The following SGCZ variants were observed in gnomAD, a reference collection of about 807,000 sequenced individuals.
SGCZ encodes the protein sarcoglycan zeta.
Under a neutral mutation model 41.3 loss-of-function variants are expected in SGCZ, and 40 were observed. The ratio of observed to expected loss-of-function variants is 0.97; its 90% confidence interval spans 0.75 to 1.26. SGCZ has a LOEUF of 1.26. Ranked by LOEUF, SGCZ falls within the 50% of genes most tolerant of loss-of-function variation. The pLI, the probability that SGCZ is intolerant of heterozygous loss-of-function variation, is 0.00. For synonymous variants in SGCZ, 206 were observed against 137.5 expected (o/e 1.50, Z -3.49); for missense variants, 552 against 369.8 (o/e 1.49, Z -4.04).
At chr8:14,933,497 T>G (rs1441525258) in intron 1 of SGCZ, among the ~76,000 whole-genome samples, 3 of 143,532 alleles carry the variant, frequency 2.1e-5, no homozygotes, top group Non-Finnish European at 4.5e-5. Flanking sequence ...AGTCGCACCA[T>G]CTCTGCTCAC....
intron 2 of SGCZ, among the ~76,000 whole-genome samples, chr8:14,464,686 G>T (rs1469388967): frequency 1.3e-5 from 2 of 150,642 alleles, no homozygotes; most frequent in Non-Finnish European, 3.0e-5. Context: ...TATAAAGTTT[G>T]TTTATTGACT....
intron 1 of SGCZ, among the ~76,000 whole-genome samples, chr8:14,995,390 G>A (rs1802179606): frequency 6.6e-6 from 1 of 152,208 alleles, no homozygotes; most frequent in African/African-American, 2.4e-5. Flanking sequence ...TTAGGTCTTG[G>A]GAGACGATTA....
intron 1 of SGCZ, among the ~76,000 whole-genome samples, chr8:14,837,797 T>C (rs886500860): frequency 1.3e-5 from 2 of 152,218 alleles, no homozygotes; most frequent in East Asian, 1.9e-4. Context: ...TGAGTAATTA[T>C]AGACACATAA....
chr8:14,298,043 TG>T (rs1359971835), intron 3 of SGCZ, among the ~76,000 whole-genome samples: 2 of 152,114 alleles, frequency 1.3e-5, no homozygotes, highest in Non-Finnish European at 2.9e-5. Context: ...GAATGTAGGA[TG>T]ATTTAAATAT....
Position 14,197,485 on chromosome 8 carries a change from G to C in SGCZ, c.425-32783C>G, listed in dbSNP as rs181346466. Among the ~76,000 whole-genome samples the C allele has an allele frequency of 6.8e-4, 103 of 151,902 alleles. 1 individual carries two copies. The East Asian group carries it at 0.013, about 19-fold the overall frequency. On this transcript the variant is annotated intron_variant, in intron 4 of 7. Transcript: ENST00000382080. ...AATGTTGTTTATCACAAGAATGCAA[G>C]GCTGGTATGTTCAGCCTTTGAAAAA...
At chr8:14,672,082 G>C (rs1245729113) in intron 1 of SGCZ, among the ~76,000 whole-genome samples, 3 of 152,118 alleles carry the variant, frequency 2.0e-5, no homozygotes, top group Admixed American at 1.3e-4. Flanking sequence ...TTAGGAAATA[G>C]AGGAAGAGTA....
chr8:14,709,194 T>C (rs1311107993), intron 1 of SGCZ, among the ~76,000 whole-genome samples: 1 of 152,190 alleles, frequency 6.6e-6, no homozygotes, highest in Admixed American at 6.5e-5. Context: ...GTATTACCAA[T>C]CAGCAGCAGA....
chr8:14,702,846 TAGATAGATAGATA>T (rs1160592875), intron 1 of SGCZ, among the ~76,000 whole-genome samples: 4 of 133,788 alleles, frequency 3.0e-5, no homozygotes, highest in African/African-American at 1.1e-4. Flanking sequence ...GATAGATAGA[TAGATAGATAGATA>T]GATAGATAGA....
intron 1 of SGCZ, among the ~76,000 whole-genome samples, chr8:14,982,735 A>T (rs998593205): frequency 6.6e-6 from 1 of 152,186 alleles, no homozygotes; most frequent in African/African-American, 2.4e-5. Flanking sequence ...AAACTAAATC[A>T]TAGCACTTTT....
chr8:14,840,399 T>A (rs901949336), intron 1 of SGCZ, among the ~76,000 whole-genome samples: 3 of 152,154 alleles, frequency 2.0e-5, no homozygotes, highest in Non-Finnish European at 4.4e-5. Flanking sequence ...TATTTGAATA[T>A]GAATTAATCA....
At chr8:14,737,180 C>CATAT (rs377521367) in intron 1 of SGCZ, among the ~76,000 whole-genome samples, 1 of 140,944 alleles carries the variant, frequency 7.1e-6, no homozygotes, top group Admixed American at 7.0e-5. Flanking sequence ...ATATATCATA[C>CATAT]ATATATATAT....
At chr8:14,934,938 C>A (rs1356616080) in intron 1 of SGCZ, among the ~76,000 whole-genome samples, 1 of 150,490 alleles carries the variant, frequency 6.6e-6, no homozygotes, top group Non-Finnish European at 1.5e-5. Context: ...AAAAAATAAT[C>A]CTTCAAAGCC....
chr8:15,058,325 C>T (rs1189918937), intron 1 of SGCZ, among the ~76,000 whole-genome samples: 1 of 152,046 alleles, frequency 6.6e-6, no homozygotes, highest in Non-Finnish European at 1.5e-5. Context: ...ACATGCCACT[C>T]ATGGGGTGAA....
rs563543623 is a variant in SGCZ at position 14,493,455 on chromosome 8, C to T, written c.234+61277G>A. On this transcript the variant is annotated intron_variant, in intron 2 of 7. Coordinates refer to ENST00000382080, the MANE Select transcript of SGCZ (RefSeq NM_139167.4). ...GATCTCGGCTCACAGCAAACTCTGC[C>T]TCCCAGGGTTCAAGCGATTTTCCTG... 5.5e-5 allele frequency among the ~76,000 whole-genome samples: 8 copies of T among 146,504 alleles called. No individual in the cohort carries two copies. The East Asian group carries it at 1.7e-3, about 31-fold the overall frequency.
At chr8:14,679,642 AAC>A (rs1393352811) in intron 1 of SGCZ, among the ~76,000 whole-genome samples, 22 of 152,096 alleles carry the variant, frequency 1.4e-4, no homozygotes, top group Middle Eastern at 3.4e-3. Flanking sequence ...TTATAAATAA[AAC>A]AGTTACAGTA....
Position 14,933,080 on chromosome 8 carries a change from GA to G in SGCZ, c.39+304504del, listed in dbSNP as rs1799964878. ...GGAGGGCAGGAGGGGGATGAGGGCT[GA>G]AAAACTGTTTTTCAACACAGTTTTT... On this transcript the variant is annotated intron_variant, in intron 1 of 7. Coordinates refer to ENST00000382080, the MANE Select transcript of SGCZ (RefSeq NM_139167.4). Among the ~76,000 whole-genome samples, 4 of 151,920 alleles carry G rather than the reference GA, an allele frequency of 2.6e-5. 1 individual carries two copies. Among genetic ancestry groups the G allele is most frequent in the African/African-American group, 4.8e-5 (2 of 41,250 alleles).
intron 1 of SGCZ, among the ~76,000 whole-genome samples, chr8:15,098,905 A>G (rs556829129): frequency 4.6e-4 from 70 of 152,258 alleles, no homozygotes; most frequent in Non-Finnish European, 8.5e-4. Context: ...CTTAAATACA[A>G]AAATTAGCCG....
At chr8:14,482,965 C>G (rs936733074) in intron 2 of SGCZ, among the ~76,000 whole-genome samples, 2 of 152,032 alleles carry the variant, frequency 1.3e-5, no homozygotes, top group Non-Finnish European at 2.9e-5. Context: ...ACACGTGAGC[C>G]AATTCTTACA....
chr8:14,266,111 G>A lies in SGCZ; in HGVS notation c.337-28432C>T, dbSNP rs543682920. The stretch of plus-strand genomic sequence containing the variant: ...AACCTAAGGAAACATATGATTATCC[G>A]AGGACATAAAGATCAAAGATGACCA... On this transcript the variant is annotated intron_variant, in intron 3 of 7. Coordinates refer to ENST00000382080, the MANE Select transcript of SGCZ (RefSeq NM_139167.4). Among the ~76,000 whole-genome samples the A allele has an allele frequency of 1.1e-3, 168 of 152,162 alleles. 1 individual carries two copies. The highest frequency in any genetic ancestry group is 3.7e-3 in the African/African-American group (154 of 41,548).
Sources: allele counts gnomAD v4.1 joint callset (sites outside exome capture counted in the v4.1 genomes callset), GRCh38; gene constraint gnomAD v4.1.1; transcripts MANE v1.5; gene names NCBI Gene and HGNC (gene_info 2026-07-23, HGNC 2026-07-21).